The following SORCS3 variants were observed in gnomAD, a reference collection of about 807,000 sequenced individuals.
SORCS3 encodes the protein sortilin related VPS10 domain containing receptor 3.
In SORCS3, 57 loss-of-function variants were observed where a neutral mutation model predicts 146.3. That is an observed-to-expected ratio of 0.39 (90% confidence interval 0.31 to 0.49). SORCS3 has a LOEUF of 0.49. SORCS3 is among the 20% of genes least tolerant of loss of function. The pLI, the probability that SORCS3 is intolerant of heterozygous loss-of-function variation, is 0.92. For missense variants in SORCS3, 1,341 were observed against 1,575.5 expected, an observed-to-expected ratio of 0.85 and a Z score of 2.52; for synonymous variants, 653 against 618.5, an observed-to-expected ratio of 1.06 and a Z score of -0.83.
In SORCS3 at chr10:104,641,447, A is replaced by G; in HGVS notation, c.120A>G (p.Thr40=). The G allele has an allele frequency of 6.8e-7, 1 of 1,470,144 alleles. No individual in the cohort carries two copies. The highest frequency in any genetic ancestry group is 8.9e-7 in the Non-Finnish European group (1 of 1,117,860). 91.1% of individuals were successfully genotyped at this position (1,470,144 alleles called of 1,614,324 possible). The change falls in exon 1 of 27, where the codon ACA becomes ACG. Residue 40 remains threonine (T), a synonymous_variant. Coordinates refer to ENST00000369701, the MANE Select transcript of SORCS3 (RefSeq NM_014978.3). This position sits in a 1 kb window ranked among gnomAD's most constrained non-coding sequence, Gnocchi z 6.4. Reference sequence around the variant, plus strand: ...GCGCCGAGATCACTTGGGACGCGACAGGCGGTCCCGGACGCCCGGCGGCCC... The same window carrying G: ...GCGCCGAGATCACTTGGGACGCGACGGGCGGTCCCGGACGCCCGGCGGCCC... ...LAGAEITWDA[T]GGPGRPAAPA... is the part of the protein sequence containing the mutation.
At chr10:104,946,231 G>A (rs560304616) in intron 3 of SORCS3, among the ~76,000 whole-genome samples, 9 of 151,956 alleles carry the variant, frequency 5.9e-5, no homozygotes, top group African/African-American at 1.9e-4. Flanking sequence ...TAAGACACCT[G>A]TGGGGGTTGA....
chr10:104,824,501 G>T (rs564391356), intron 1 of SORCS3, among the ~76,000 whole-genome samples: 7 of 152,298 alleles, frequency 4.6e-5, no homozygotes, highest in Admixed American at 3.3e-4. Context: ...TAATTTGTAG[G>T]ATTGAATAGG....
intron 4 of SORCS3, among the ~76,000 whole-genome samples, chr10:104,979,000 C>A (rs2054917942): frequency 6.6e-6 from 1 of 152,282 alleles, no homozygotes; most frequent in African/African-American, 2.4e-5. Flanking sequence ...CTGGAATTCT[C>A]TTCTTTAATG....
chr10:105,144,096 G>A (rs1447763298), intron 8 of SORCS3, among the ~76,000 whole-genome samples: 1 of 152,086 alleles, frequency 6.6e-6, no homozygotes, highest in Admixed American at 6.6e-5. Flanking sequence ...TGATAATTTT[G>A]TGCTATTCTT....
At chr10:104,659,395 T>TTTAGTCCAGTG (rs2015672769) in intron 1 of SORCS3, among the ~76,000 whole-genome samples, 1 of 152,218 alleles carries the variant, frequency 6.6e-6, no homozygotes, top group Non-Finnish European at 1.5e-5. Flanking sequence ...AATGTCCACT[T>TTTAGTCCAGTG]CTCTGACTTT....
At chr10:105,017,291 C>A (rs2055174091) in intron 4 of SORCS3, among the ~76,000 whole-genome samples, 1 of 152,036 alleles carries the variant, frequency 6.6e-6, no homozygotes, top group African/African-American at 2.4e-5. Flanking sequence ...CTTAGGGGGG[C>A]AGTTGTGTTT....
intron 3 of SORCS3, among the ~76,000 whole-genome samples, chr10:104,950,456 A>G (rs2019416772): frequency 6.6e-6 from 1 of 152,170 alleles, no homozygotes; most frequent in South Asian, 2.1e-4. Flanking sequence ...GGTCCATGGG[A>G]AAGTTAAAGG....
In SORCS3 at chr10:104,997,723, T is replaced by C. The variant is rs554193257; in HGVS notation, c.954+20230T>C. 1.4e-4 allele frequency among the ~76,000 whole-genome samples: 21 copies of C among 152,318 alleles called. No individual in the cohort carries two copies. The South Asian group carries it at 3.7e-3, about 27-fold the overall frequency. ...TCTTCTTCAATGTCTGTGTCATGTGTGTATCTTAGCTCTGTAACATGGCTA... is the reference window on the plus strand; with the variant it reads ...TCTTCTTCAATGTCTGTGTCATGTGCGTATCTTAGCTCTGTAACATGGCTA... On this transcript the variant is annotated intron_variant, in intron 4 of 26. Transcript: ENST00000369701.
At chr10:104,923,565 C>A (rs543874837) in intron 3 of SORCS3, among the ~76,000 whole-genome samples, 2 of 152,174 alleles carry the variant, frequency 1.3e-5, no homozygotes, top group Non-Finnish European at 2.9e-5. Flanking sequence ...GAGCATCACA[C>A]GCATTACCCA....
intron 5 of SORCS3, among the ~76,000 whole-genome samples, chr10:105,052,417 G>A (rs546087799): frequency 1.3e-5 from 2 of 152,204 alleles, no homozygotes; most frequent in Admixed American, 1.3e-4. Context: ...TTATGCAAAG[G>A]GCATGAGAAA....
intron 3 of SORCS3, among the ~76,000 whole-genome samples, chr10:104,947,775 AC>A (rs1423324217): frequency 6.6e-6 from 1 of 152,044 alleles, no homozygotes; most frequent in Non-Finnish European, 1.5e-5. Context: ...GGCACGTGGC[AC>A]CATGCCTGGC....
intron 1 of SORCS3, among the ~76,000 whole-genome samples, chr10:104,802,930 T>C (rs925024569): frequency 6.6e-6 from 1 of 152,182 alleles, no homozygotes; most frequent in African/African-American, 2.4e-5. Context: ...GGAGATTTCT[T>C]TCTCTCCAAT....
intron 1 of SORCS3, among the ~76,000 whole-genome samples, chr10:104,786,580 G>T (rs1476242699): frequency 4.7e-5 from 4 of 85,662 alleles, no homozygotes; most frequent in African/African-American, 2.1e-4. Flanking sequence ...TAATAATAGT[G>T]ATGATGATGA....
At chr10:105,113,515 T>C (rs2055872728) in intron 7 of SORCS3, among the ~76,000 whole-genome samples, 1 of 152,196 alleles carries the variant, frequency 6.6e-6, no homozygotes, top group Non-Finnish European at 1.5e-5. Context: ...TACCCAATCA[T>C]AATTTTATTT....
intron 4 of SORCS3, among the ~76,000 whole-genome samples, chr10:104,977,904 G>C (rs1225394085): frequency 6.6e-6 from 1 of 151,528 alleles, no homozygotes; most frequent in Admixed American, 6.6e-5. Flanking sequence ...GCTAATTTTT[G>C]TATTTTTAGT....
At chr10:104,727,769 G>A (rs1245729222) in intron 1 of SORCS3, among the ~76,000 whole-genome samples, 1 of 152,068 alleles carries the variant, frequency 6.6e-6, no homozygotes, top group African/African-American at 2.4e-5. Flanking sequence ...TACTGCCTAA[G>A]CTCTGCCTTC....
intron 14 of SORCS3, among the ~76,000 whole-genome samples, chr10:105,184,570 A>G (rs1281250736): frequency 6.6e-6 from 1 of 152,180 alleles, no homozygotes. Flanking sequence ...TGCTTCTCCA[A>G]TTGCACTGCC....
At chr10:105,004,247 C>A (rs938308869) in intron 4 of SORCS3, among the ~76,000 whole-genome samples, 1 of 152,174 alleles carries the variant, frequency 6.6e-6, no homozygotes, top group Admixed American at 6.5e-5. Context: ...CTGTACCAGC[C>A]AGGCTCTGCC....
intron 20 of SORCS3, among the ~76,000 whole-genome samples, chr10:105,229,238 A>G (rs1014576105): frequency 6.6e-6 from 1 of 151,906 alleles, no homozygotes; most frequent in Non-Finnish European, 1.5e-5. Context: ...TTTCTCATTC[A>G]TATCCTGAAT....
Sources: allele counts gnomAD v4.1 joint callset (sites outside exome capture counted in the v4.1 genomes callset), GRCh38; gene constraint gnomAD v4.1.1; non-coding constraint Gnocchi (gnomAD v3.1); transcripts MANE v1.5; gene names NCBI Gene and HGNC (gene_info 2026-07-23, HGNC 2026-07-21).